The following NEDD4 variants were observed in gnomAD, a reference collection of about 807,000 sequenced individuals.
The protein encoded by NEDD4 is E3 ubiquitin-protein ligase NEDD4.
In NEDD4, 99 loss-of-function variants were observed where a neutral mutation model predicts 144.9. The observed-to-expected ratio is 0.68, with a 90% CI of 0.58 to 0.81. The LOEUF (loss-of-function observed/expected upper bound fraction) is 0.81. NEDD4 is among the 30% of genes least tolerant of loss of function. The pLI is 0.00. For missense variants in NEDD4, 985 were observed against 1,065.9 expected (o/e 0.92, Z 1.06); for synonymous variants, 318 against 350.6 (o/e 0.91, Z 1.04).
rs1405077270 is a variant in NEDD4 at position 55,840,025 on chromosome 15, T to A, written c.2031+422A>T. Among the ~76,000 whole-genome samples, 165 of 68,188 alleles carry A rather than the reference T, an allele frequency of 2.4e-3. 4 individuals are homozygous for A. Among genetic ancestry groups the A allele is most frequent in the African/African-American group, 7.6e-3 (140 of 18,486 alleles). The allele number at this position is 68,188 out of a possible 152,430, so 44.7% of individuals were successfully genotyped here. ...ATATATATATATATATATATATATA[T>A]ATATATATATATATATAACATTCAT... On this transcript the variant is annotated intron_variant, in intron 21 of 28. Transcript: ENST00000435532.
intron 7 of NEDD4, among the ~76,000 whole-genome samples, chr15:55,870,529 C>CTT (rs58174546): frequency 4.3e-5 from 5 of 117,446 alleles, no homozygotes; most frequent in Non-Finnish European, 1.8e-5. Flanking sequence ...TCTTCTTCTT[C>CTT]TTTTTTTTTT....
At chr15:55,832,424 CT>C (rs1250784452) in intron 27 of NEDD4, among the ~76,000 whole-genome samples, 3 of 151,630 alleles carry the variant, frequency 2.0e-5, no homozygotes, top group Non-Finnish European at 4.4e-5. Context: ...AATGCTTTTT[CT>C]TTTTTTTGAG....
chr15:55,941,711 G>A lies in NEDD4; in HGVS notation c.237+9665C>T, dbSNP rs376770872. Among the ~76,000 whole-genome samples the A allele has an allele frequency of 2.1e-4, 32 of 152,006 alleles. 1 individual carries two copies. The highest frequency in any genetic ancestry group is 4.6e-4 in the Admixed American group (7 of 15,262). ...CCCAAGTAGCTGGTATTACAGGTGC[G>A]CACCATCACACCCAGCTACTTTTTG... On this transcript the variant is annotated intron_variant, in intron 4 of 28. Transcript: ENST00000435532.
rs754182996 is a variant in NEDD4, at chr15:55,915,999, G to A, written c.291+8647C>T. The A allele has an allele frequency of 6.2e-6, 10 of 1,613,586 alleles. No individual in the cohort carries two copies. In the East Asian group the frequency reaches 8.9e-5, roughly 14 times the overall value. On this transcript the variant is annotated intron_variant, in intron 5 of 28. Coordinates refer to ENST00000435532, the MANE Select transcript of NEDD4 (RefSeq NM_006154.4). The stretch of plus-strand genomic sequence containing the variant: ...AGTACACAGACTTGTTGGAGAAGTC[G>A]GTCGGGTAGTTGAAGGACTCCTAGG...
At chr15:55,862,459 T>G (rs190715261) in intron 9 of NEDD4, among the ~76,000 whole-genome samples, 1 of 152,206 alleles carries the variant, frequency 6.6e-6, no homozygotes. Flanking sequence ...TATGTGGACA[T>G]TGACCAGACT....
At chr15:55,883,528 G>C (rs1463346924) in intron 5 of NEDD4, among the ~76,000 whole-genome samples, 2 of 150,360 alleles carry the variant, frequency 1.3e-5, no homozygotes, top group African/African-American at 5.0e-5. Context: ...TAGGGCCTTG[G>C]AGCAAACAGA....
In NEDD4 at chr15:55,972,121, C is replaced by G. The variant is rs375240202; in HGVS notation, c.46-5575G>C. Reference sequence around the variant, plus strand: ...CATCAGACCTAGCCTTCAAGAAATGCTAAAGGGTGTCCCACAGTCTAAAAG... The same window carrying G: ...CATCAGACCTAGCCTTCAAGAAATGGTAAAGGGTGTCCCACAGTCTAAAAG... On this transcript the variant is annotated intron_variant, in intron 1 of 28. Coordinates refer to ENST00000435532, the MANE Select transcript of NEDD4 (RefSeq NM_006154.4). 2.0e-4 allele frequency among the ~76,000 whole-genome samples: 30 copies of G among 152,278 alleles called. No homozygotes were observed. In the East Asian group the frequency reaches 5.4e-3, roughly 27 times the overall value.
At chr15:55,955,464 C>A (rs1191045325) in intron 2 of NEDD4, among the ~76,000 whole-genome samples, 1 of 152,146 alleles carries the variant, frequency 6.6e-6, no homozygotes, top group Admixed American at 6.6e-5. Context: ...ACTTCCATTT[C>A]TACTTACCCC....
chr15:55,990,654 C>T (rs971775716), intron 1 of NEDD4, among the ~76,000 whole-genome samples: 2 of 152,132 alleles, frequency 1.3e-5, no homozygotes, highest in Non-Finnish European at 2.9e-5. Flanking sequence ...AACTGGGGAG[C>T]CTACTTTGGA....
intron 2 of NEDD4, among the ~76,000 whole-genome samples, chr15:55,956,087 T>G (rs1249674388): frequency 2.0e-5 from 3 of 152,184 alleles, no homozygotes; most frequent in East Asian, 3.8e-4. Flanking sequence ...GTGCTGAGAT[T>G]ACAGGTGTGA....
intron 1 of NEDD4, among the ~76,000 whole-genome samples, chr15:55,982,698 T>C (rs754419904): frequency 9.2e-5 from 14 of 152,352 alleles, no homozygotes; most frequent in Non-Finnish European, 1.5e-4. Flanking sequence ...TATACATTTA[T>C]AATCTGTGCA....
intron 19 of NEDD4, among the ~76,000 whole-genome samples, chr15:55,841,466 A>G (rs1437314430): frequency 6.6e-6 from 1 of 152,214 alleles, no homozygotes; most frequent in Non-Finnish European, 1.5e-5. Flanking sequence ...GCGAGTGCTT[A>G]CTGGGTATAG....
chr15:55,859,833 C>T lies in NEDD4; in HGVS notation c.960+574G>A, dbSNP rs182657431. On this transcript the variant is annotated intron_variant, in intron 11 of 28. Transcript: ENST00000435532. ...AATCAAGACCACTCTGTAATCGTGG[C>T]TGAATATAGACAAAACATGAACATT... 4.1e-3 allele frequency among the ~76,000 whole-genome samples: 628 copies of T among 152,306 alleles called. 3 individuals are homozygous for T. Among genetic ancestry groups the T allele is most frequent in the Non-Finnish European group, 6.9e-3 (472 of 68,016 alleles).
At chr15:55,878,156 G>A (rs1467986318) in intron 5 of NEDD4, among the ~76,000 whole-genome samples, 2 of 151,960 alleles carry the variant, frequency 1.3e-5, no homozygotes, top group Non-Finnish European at 2.9e-5. Flanking sequence ...GAAGATAAAG[G>A]TATGGAAAAA....
At chr15:55,886,757 C>CAAAAAAAAAA (rs35360356) in intron 5 of NEDD4, among the ~76,000 whole-genome samples, 2 of 115,316 alleles carry the variant, frequency 1.7e-5, no homozygotes, top group African/African-American at 3.3e-5. Context: ...GACTCCGTCT[C>CAAAAAAAAAA]AAAAAAAAAA....
At chr15:55,974,227 C>T (rs1001220473) in intron 1 of NEDD4, among the ~76,000 whole-genome samples, 5 of 151,992 alleles carry the variant, frequency 3.3e-5, no homozygotes, top group African/African-American at 1.2e-4. Context: ...ATGAAGAAAT[C>T]CAAAACATAA....
intron 1 of NEDD4, among the ~76,000 whole-genome samples, chr15:55,989,011 G>A (rs1291592843): frequency 6.6e-6 from 1 of 152,142 alleles, no homozygotes; most frequent in African/African-American, 2.4e-5. Context: ...CGAGGCAGGC[G>A]GATCATCTGA....
chr15:55,980,425 C>T (rs1490471817), intron 1 of NEDD4, among the ~76,000 whole-genome samples: 1 of 147,506 alleles, frequency 6.8e-6, no homozygotes, highest in East Asian at 2.2e-4. Flanking sequence ...CTGGGTGATC[C>T]AAGGGAAAAA....
rs1349893526 is a variant in NEDD4, at chr15:55,985,862, T to C, written c.45+7649A>G. On this transcript the variant is annotated intron_variant, in intron 1 of 28. Transcript: ENST00000435532. Reference sequence around the variant, plus strand: ...CACACCAAGTACCCAAATTGTAGCATGTAAAAACCATTTTATACTAAATAG... The same window carrying C: ...CACACCAAGTACCCAAATTGTAGCACGTAAAAACCATTTTATACTAAATAG... Among the ~76,000 whole-genome samples the C allele has an allele frequency of 1.3e-5, 2 of 152,174 alleles. 1 individual carries two copies. The highest frequency in any genetic ancestry group is 4.2e-4 in the South Asian group (2 of 4,816).
Sources: allele counts gnomAD v4.1 joint callset (sites outside exome capture counted in the v4.1 genomes callset), GRCh38; gene constraint gnomAD v4.1.1; transcripts MANE v1.5; gene names NCBI Gene and HGNC (gene_info 2026-07-23, HGNC 2026-07-21).